Variants in GRM8 observed in about 807,000 individuals in gnomAD.
The protein encoded by GRM8 is metabotropic glutamate receptor 8.
A neutral mutation model predicts 87.2 loss-of-function variants in GRM8; 47 were observed. The ratio of observed to expected loss-of-function variants is 0.54; its 90% confidence interval spans 0.43 to 0.69. The LOEUF is 0.69. GRM8 is among the 30% of genes least tolerant of loss of function. The pLI is 0.00. For synonymous variants in GRM8, 396 were observed against 404.5 expected, an observed-to-expected ratio of 0.98 and a Z score of 0.25; for missense variants, 1,019 against 1,139.2, an observed-to-expected ratio of 0.89 and a Z score of 1.52.
intron 6 of GRM8, among the ~76,000 whole-genome samples, chr7:126,836,806 T>C (rs1324406960): frequency 6.6e-6 from 1 of 152,180 alleles, no homozygotes; most frequent in East Asian, 1.9e-4. Context: ...ATCTAATTAC[T>C]CTTTCCCTCA....
chr7:126,806,465 C>T (rs893412520), intron 6 of GRM8, among the ~76,000 whole-genome samples: 1 of 152,230 alleles, frequency 6.6e-6, no homozygotes, highest in Non-Finnish European at 1.5e-5. Context: ...TGGCTGCTTG[C>T]GCAGCTGGCC....
At chr7:126,601,195 A>T (rs1037220426) in intron 8 of GRM8, among the ~76,000 whole-genome samples, 5 of 150,232 alleles carry the variant, frequency 3.3e-5, no homozygotes, top group Admixed American at 6.7e-5. Context: ...GGTTTTTTGT[A>T]CTTGCGATAG....
At chr7:127,220,482 A>C (rs1475549582) in intron 2 of GRM8, among the ~76,000 whole-genome samples, 1 of 152,150 alleles carries the variant, frequency 6.6e-6, no homozygotes, top group Non-Finnish European at 1.5e-5. Flanking sequence ...ACATTCTTTT[A>C]ATGTTTTATT....
chr7:126,867,030 T>C (rs10227255), intron 6 of GRM8, among the ~76,000 whole-genome samples: 57,688 of 152,022 alleles, frequency 0.38, 11,876 homozygotes, highest in Non-Finnish European at 0.46. Context: ...ATCACAGCAA[T>C]ATTAGGGGAT....
At chr7:126,973,459 G>T (rs1269002830) in intron 3 of GRM8, among the ~76,000 whole-genome samples, 1 of 152,196 alleles carries the variant, frequency 6.6e-6, no homozygotes, top group Admixed American at 6.5e-5. Context: ...TAGGTTGGTT[G>T]GGATAATTAA....
chr7:127,145,562 C>T (rs1828510326), intron 2 of GRM8, among the ~76,000 whole-genome samples: 1 of 152,118 alleles, frequency 6.6e-6, no homozygotes, highest in Non-Finnish European at 1.5e-5. Context: ...ATACCTGTCT[C>T]TGATTTTGTA....
intron 3 of GRM8, among the ~76,000 whole-genome samples, chr7:127,079,644 G>A (rs1822640319): frequency 6.6e-6 from 1 of 152,136 alleles, no homozygotes. Context: ...AACTCCCCTA[G>A]AGCAAATCCT....
In GRM8 at chr7:127,060,287, G is replaced by C. The variant is rs182859554; in HGVS notation, c.727+46209C>G. Among the ~76,000 whole-genome samples the C allele has an allele frequency of 3.0e-3, 456 of 152,116 alleles. 3 individuals carry two copies. The highest frequency in any genetic ancestry group is 0.01 in the African/African-American group (434 of 41,534). ...TAATGTATGGCTTTGAATCTTTAAT[G>C]TATGGCCAAATAAATACTCATATAT... On this transcript the variant is annotated intron_variant, in intron 3 of 10. Coordinates refer to ENST00000339582, the MANE Select transcript of GRM8 (RefSeq NM_000845.3).
At chr7:127,010,305 A>T (rs1158955399) in intron 3 of GRM8, among the ~76,000 whole-genome samples, 1 of 152,198 alleles carries the variant, frequency 6.6e-6, no homozygotes, top group Non-Finnish European at 1.5e-5. Flanking sequence ...TGTTTGCAAC[A>T]GAGAATACTG....
chr7:127,106,768 A>G, intron 2 of GRM8, 56 bp from the exon 3 acceptor site: 4 of 1,251,860 alleles, frequency 3.2e-6, no homozygotes, highest in Non-Finnish European at 4.7e-6. Context: ...AGAATGATGG[A>G]TTGTCATATG....
intron 6 of GRM8, among the ~76,000 whole-genome samples, chr7:126,837,645 A>C (rs1795924477): frequency 6.6e-6 from 1 of 152,224 alleles, no homozygotes; most frequent in Non-Finnish European, 1.5e-5. Flanking sequence ...AGGAGCCAAC[A>C]AGTGCCAGAT....
intron 3 of GRM8, among the ~76,000 whole-genome samples, chr7:126,905,985 G>A (rs755793184): frequency 6.6e-6 from 1 of 152,132 alleles, no homozygotes; most frequent in Non-Finnish European, 1.5e-5. Flanking sequence ...ACTTGAGAAC[G>A]GCTTTGTTAG....
At chr7:127,017,518 T>A (rs553184719) in intron 3 of GRM8, among the ~76,000 whole-genome samples, 4 of 152,252 alleles carry the variant, frequency 2.6e-5, no homozygotes, top group Admixed American at 6.5e-5. Flanking sequence ...ATGTCACAAA[T>A]GACACCAAGT....
intron 7 of GRM8, among the ~76,000 whole-genome samples, chr7:126,638,910 G>A (rs1203817216): frequency 6.6e-6 from 1 of 151,984 alleles, no homozygotes; most frequent in African/African-American, 2.4e-5. Flanking sequence ...GGCCTTCTGG[G>A]CACCCCACTG....
intron 3 of GRM8, among the ~76,000 whole-genome samples, chr7:127,014,204 A>G (rs191700888): frequency 6.6e-6 from 1 of 152,312 alleles, no homozygotes; most frequent in East Asian, 1.9e-4. Context: ...GCTGGCCTCA[A>G]AGACAGTGGA....
intron 2 of GRM8, among the ~76,000 whole-genome samples, chr7:127,165,487 G>A (rs963699271): frequency 2.6e-5 from 4 of 151,814 alleles, no homozygotes; most frequent in Non-Finnish European, 5.9e-5. Flanking sequence ...AGTTCACATC[G>A]TAAACCTTCA....
At chr7:126,695,438 G>C (rs1344375906) in intron 7 of GRM8, among the ~76,000 whole-genome samples, 1 of 152,074 alleles carries the variant, frequency 6.6e-6, no homozygotes, top group East Asian at 1.9e-4. Flanking sequence ...TGAATTACAA[G>C]GAGTAGATGG....
intron 2 of GRM8, among the ~76,000 whole-genome samples, chr7:127,221,556 C>A (rs1159332218): frequency 6.6e-6 from 1 of 152,198 alleles, no homozygotes; most frequent in African/African-American, 2.4e-5. Context: ...ACACACCCTG[C>A]TATGATTGAT....
At chr7:127,128,216 G>A (rs1193252528) in intron 2 of GRM8, among the ~76,000 whole-genome samples, 7 of 152,164 alleles carry the variant, frequency 4.6e-5, no homozygotes, top group African/African-American at 1.2e-4. Flanking sequence ...TTCCAAAGCT[G>A]AGTATCAGAA....
Sources: allele counts gnomAD v4.1 joint callset (sites outside exome capture counted in the v4.1 genomes callset), GRCh38; gene constraint gnomAD v4.1.1; transcripts MANE v1.5; gene names NCBI Gene and HGNC (gene_info 2026-07-23, HGNC 2026-07-21).